The following ST8SIA1 variants were observed in gnomAD, a reference collection of about 807,000 sequenced individuals.
ST8SIA1 encodes ST8 alpha-N-acetyl-neuraminide alpha-2,8-sialyltransferase 1.
A neutral mutation model predicts 35.9 loss-of-function variants in ST8SIA1; 16 were observed. That is an observed-to-expected ratio of 0.45 (90% confidence interval 0.30 to 0.68). The LOEUF is 0.68. ST8SIA1 is among the 30% of genes least tolerant of loss of function. The pLI is 0.09. For missense variants in ST8SIA1, 383 were observed against 453.6 expected (o/e 0.84, Z 1.41); for synonymous variants, 170 against 169.6 (o/e 1.00, Z -0.02).
At position 22,287,187 on chromosome 12, in the gene ST8SIA1, A is replaced by G. The variant is rs767302250; in HGVS notation, c.343T>C (p.Phe115Leu). Reference protein sequence around the residue: ...MWYDGEFLYSFTIDNSTYSLF... With the variant: ...MWYDGEFLYSLTIDNSTYSLF... ...GAGTAAGTTGAATTGTCAATGGTGA[A>G]TGAGTATAAAAACTCCCCGTCATAC... The change falls in exon 2 of 5, where the codon TTC becomes CTC. Residue 115 changes from phenylalanine to leucine, a missense_variant. Phe to Leu is a conservative substitution (Grantham distance 22). Coordinates refer to ENST00000396037, the MANE Select transcript of ST8SIA1 (RefSeq NM_003034.4). The G allele has an allele frequency of 3.1e-6, 5 of 1,614,124 alleles. No individual in the cohort carries two copies. Among genetic ancestry groups the G allele is most frequent in the African/African-American group, 1.3e-5 (1 of 75,056 alleles).
At chr12:22,277,517 C>T (rs1415348694) in intron 2 of ST8SIA1, among the ~76,000 whole-genome samples, 3 of 151,884 alleles carry the variant, frequency 2.0e-5, no homozygotes, top group Non-Finnish European at 2.9e-5. Flanking sequence ...CAGGTGCCTG[C>T]CACTACGCCC....
chr12:22,271,276 G>A (rs1018819475), intron 2 of ST8SIA1, among the ~76,000 whole-genome samples: 1 of 152,224 alleles, frequency 6.6e-6, no homozygotes, highest in Non-Finnish European at 1.5e-5. Context: ...ACTGGCAACA[G>A]AAAGTTCAGA....
chr12:22,249,303 C>T (rs1865640459), intron 3 of ST8SIA1, among the ~76,000 whole-genome samples: 4 of 150,844 alleles, frequency 2.7e-5, no homozygotes, highest in Non-Finnish European at 5.9e-5. Context: ...ACTGCAAGCT[C>T]CACCTGCCGG....
intron 1 of ST8SIA1, among the ~76,000 whole-genome samples, chr12:22,307,005 T>A (rs1195163359): frequency 6.6e-6 from 1 of 152,202 alleles, no homozygotes; most frequent in East Asian, 1.9e-4. Flanking sequence ...TCCTACCCTT[T>A]GTGAAAGCAG....
intron 3 of ST8SIA1, among the ~76,000 whole-genome samples, chr12:22,255,005 G>C (rs1331738447): frequency 6.6e-6 from 1 of 152,188 alleles, no homozygotes; most frequent in Admixed American, 6.5e-5. Context: ...AATGAGATGT[G>C]AGATTTTCCA....
At chr12:22,224,342 A>C in intron 4 of ST8SIA1, among the ~76,000 whole-genome samples, 1 of 148,084 alleles carries the variant, frequency 6.8e-6, no homozygotes, top group African/African-American at 2.5e-5. Context: ...ATGGAGTCTT[A>C]CTCTGCGCCC....
At chr12:22,322,325 T>C (rs976744731) in intron 1 of ST8SIA1, among the ~76,000 whole-genome samples, 1 of 152,222 alleles carries the variant, frequency 6.6e-6, no homozygotes, top group Non-Finnish European at 1.5e-5. Context: ...TGCGTCCTCT[T>C]GGCCTATCGC....
chr12:22,308,199 T>A (rs1866407732), intron 1 of ST8SIA1, among the ~76,000 whole-genome samples: 1 of 152,242 alleles, frequency 6.6e-6, no homozygotes, highest in African/African-American at 2.4e-5. Flanking sequence ...TTTCTTAGTG[T>A]CATGAACATG....
At chr12:22,292,124 GA>G (rs35972980) in intron 1 of ST8SIA1, among the ~76,000 whole-genome samples, 17,344 of 149,800 alleles carry the variant, frequency 0.12, 1,261 homozygotes, top group Middle Eastern at 0.24. Context: ...GATTTTCAAG[GA>G]AAAAAAAATG....
chr12:22,255,453 G>T, intron 2 of ST8SIA1, 64 bp from the exon 3 acceptor site: 1 of 1,339,472 alleles, frequency 7.5e-7, no homozygotes, highest in Non-Finnish European at 1.1e-6. Flanking sequence ...CAAAATCATT[G>T]TTTACAGCAG....
chr12:22,326,406 A>G (rs1464402659), intron 1 of ST8SIA1: 2 of 152,628 alleles, frequency 1.3e-5, no homozygotes, highest in African/African-American at 4.8e-5. Context: ...TACTGAAAGT[A>G]CAATTAATAG....
At chr12:22,278,842 C>T (rs1475201353) in intron 2 of ST8SIA1, among the ~76,000 whole-genome samples, 1 of 152,102 alleles carries the variant, frequency 6.6e-6, no homozygotes, top group East Asian at 1.9e-4. Flanking sequence ...GTTGTCTTAC[C>T]CTCAAAAAGC....
intron 2 of ST8SIA1, among the ~76,000 whole-genome samples, chr12:22,262,067 A>T (rs1046903056): frequency 6.6e-6 from 1 of 152,248 alleles, no homozygotes; most frequent in Non-Finnish European, 1.5e-5. Flanking sequence ...AGCTTTAAGC[A>T]TATGAAAGTA....
intron 4 of ST8SIA1, among the ~76,000 whole-genome samples, chr12:22,223,069 A>C (rs1365687336): frequency 6.6e-6 from 1 of 152,172 alleles, no homozygotes; most frequent in Non-Finnish European, 1.5e-5. Context: ...CATTTATTTA[A>C]CAAACATGTG....
At chr12:22,243,664 G>T (rs953584161) in intron 4 of ST8SIA1, among the ~76,000 whole-genome samples, 1 of 152,208 alleles carries the variant, frequency 6.6e-6, no homozygotes, top group African/African-American at 2.4e-5. Context: ...TTAAAACATT[G>T]TATTCCAATT....
Position 22,199,163 on chromosome 12 carries a change from T to TTC in ST8SIA1, c.*2388_*2389insGA, listed in dbSNP as rs1555152202. On this transcript the variant is annotated 3_prime_UTR_variant, in exon 5 of 5. Transcript: ENST00000396037. ...TATTTTCTTTCTTTTTCTTTTCTTT[T>TTC]TTTTTTTTTTGAGACAGGGTCTTGC... The TTC allele has an allele frequency of 6.7e-6, 1 of 150,024 alleles. No homozygotes were observed. The highest frequency in any genetic ancestry group is 2.4e-5 in the African/African-American group (1 of 41,014). The allele number at this position is 150,024 out of a possible 1,614,324, so 9.3% of individuals were successfully genotyped here. A position where few individuals can be genotyped will look rare whatever the true frequency, so the allele number is the denominator to read the frequency against.
At position 22,281,703 on chromosome 12, in the gene ST8SIA1, C is replaced by G. The variant is rs574998748; in HGVS notation, c.381+5446G>C. On this transcript the variant is annotated intron_variant, in intron 2 of 4. Coordinates refer to ENST00000396037, the MANE Select transcript of ST8SIA1 (RefSeq NM_003034.4). ...AAAAGCTGCAAAAGAAATTTCTTGG[C>G]CAGGTGTAGTGGTTCATGCCTGCAA... is the stretch of plus-strand genomic sequence containing the variant. 9.2e-4 allele frequency among the ~76,000 whole-genome samples: 140 copies of G among 151,734 alleles called. 1 individual carries two copies. Among genetic ancestry groups the G allele is most frequent in the Non-Finnish European group, 6.0e-4 (41 of 67,934 alleles).
chr12:22,333,221 G>A (rs184058690), intron 1 of ST8SIA1, among the ~76,000 whole-genome samples: 2 of 152,188 alleles, frequency 1.3e-5, no homozygotes, highest in East Asian at 3.9e-4. Context: ...CTGACTTCAG[G>A]TGCCTACTTA....
rs533324202 is a variant in ST8SIA1 at position 22,300,453 on chromosome 12, G to T, written c.237-13160C>A. Among the ~76,000 whole-genome samples, 27 of 152,232 alleles carry T rather than the reference G, an allele frequency of 1.8e-4. No homozygotes were observed. The South Asian group carries it at 5.4e-3, about 30-fold the overall frequency. ...ATGCAAGACCAACATATGGGCCCCT[G>T]TATCAGATTAGCAAGGTTTTCTTGA... On this transcript the variant is annotated intron_variant, in intron 1 of 4. Transcript: ENST00000396037.
Sources: allele counts gnomAD v4.1 joint callset (sites outside exome capture counted in the v4.1 genomes callset), GRCh38; gene constraint gnomAD v4.1.1; transcripts MANE v1.5; gene names NCBI Gene and HGNC (gene_info 2026-07-23, HGNC 2026-07-21).